The following TYW3 variants were observed in gnomAD, a reference collection of about 807,000 sequenced individuals.
The protein encoded by TYW3 is tRNA wybutosine-synthesizing protein 3 homolog.
In TYW3, 26 loss-of-function variants were observed where a neutral mutation model predicts 23.1. The observed-to-expected ratio is 1.13, with a 90% CI of 0.83 to 1.56. TYW3 has a LOEUF of 1.56. Among genes scored for constraint, TYW3 ranks in the 40% most tolerant of loss-of-function variants. The probability of loss-of-function intolerance (pLI) is 0.00; values close to 1 mark genes in which losing one functional copy is unlikely to be tolerated. For missense variants in TYW3, 316 were observed against 311.9 expected, an observed-to-expected ratio of 1.01 and a Z score of -0.10; for synonymous variants, 102 against 105.7, an observed-to-expected ratio of 0.97 and a Z score of 0.21.
intron 5 of TYW3, among the ~76,000 whole-genome samples, chr1:74,752,928 GC>G (rs113365558): frequency 0.39 from 59,703 of 151,940 alleles, 14,352 homozygotes; most frequent in Non-Finnish European, 0.55. Context: ...ATCTAGAATT[GC>G]CATAACTTTC....
chr1:74,736,963 T>C (rs1388595371), intron 2 of TYW3, among the ~76,000 whole-genome samples: 1 of 152,262 alleles, frequency 6.6e-6, no homozygotes, highest in African/African-American at 2.4e-5. Context: ...GGATTAGCAC[T>C]ATCTCTGTGT....
At chr1:74,742,187 T>C (rs1648384534) in intron 3 of TYW3, among the ~76,000 whole-genome samples, 1 of 152,204 alleles carries the variant, frequency 6.6e-6, no homozygotes, top group South Asian at 2.1e-4. Flanking sequence ...AGTGACCTAC[T>C]CTTTGTTCCC....
intron 3 of TYW3, among the ~76,000 whole-genome samples, chr1:74,741,636 G>A (rs28796389): frequency 0.39 from 59,807 of 152,088 alleles, 14,419 homozygotes; most frequent in Non-Finnish European, 0.55. Flanking sequence ...TTAAGGTTTC[G>A]TTGATATTTT....
chr1:74,757,780 A>T (rs964581298), intron 5 of TYW3, among the ~76,000 whole-genome samples: 1 of 152,072 alleles, frequency 6.6e-6, no homozygotes, highest in Non-Finnish European at 1.5e-5. Flanking sequence ...GAGGTAATTG[A>T]ATCCTGGGGA....
chr1:74,739,032 A>G (rs1648259447), intron 3 of TYW3, among the ~76,000 whole-genome samples: 1 of 152,164 alleles, frequency 6.6e-6, no homozygotes, highest in Non-Finnish European at 1.5e-5. Context: ...TTTTATTTAT[A>G]AATTTTACTT....
Position 74,733,284 on chromosome 1 carries a change from T to C in TYW3, c.40T>C (p.Cys14Arg). ...SAEFRKWKAQCLSKADLSRKG... is the reference protein window; with the variant it reads ...SAEFRKWKAQRLSKADLSRKG... The stretch of plus-strand genomic sequence containing the variant: ...GGAGTTCAGGAAATGGAAGGCGCAA[T>C]GTTTGAGCAAAGCGGACCTCAGCCG... The change falls in exon 1 of 6, where the codon TGT becomes CGT. Residue 14 changes from cysteine (C) to arginine (R), a missense_variant. Physicochemically the swap from Cys to Arg is radical, Grantham distance 180 (BLOSUM62 -3). Coordinates refer to ENST00000370867, the MANE Select transcript of TYW3 (RefSeq NM_138467.3). 2 of 1,614,112 alleles carry C rather than the reference T, an allele frequency of 1.2e-6. No homozygotes were observed. Among genetic ancestry groups the C allele is most frequent in the South Asian group, 1.1e-5 (1 of 91,064 alleles).
intron 5 of TYW3, among the ~76,000 whole-genome samples, chr1:74,757,875 C>T (rs955665006): frequency 6.6e-6 from 1 of 152,152 alleles, no homozygotes; most frequent in African/African-American, 2.4e-5. Context: ...TGCACAAGCT[C>T]ACTTTTCTTG....
rs150051245 is a variant in TYW3 at position 74,765,916 on chromosome 1, A to G, written c.*1803A>G. On this transcript the variant is annotated 3_prime_UTR_variant, in exon 6 of 6. Transcript: ENST00000370867. ...TTTATATAAGGTTAGTAGAGAGGAG[A>G]CACCAGGTGCTGGCCATAAACCTAA... The G allele has an allele frequency of 1.3e-5, 2 of 152,264 alleles. No homozygotes were observed. Among genetic ancestry groups the G allele is most frequent in the African/African-American group, 4.8e-5 (2 of 41,566 alleles). 9.4% of individuals were successfully genotyped at this position (152,264 alleles called of 1,614,324 possible).
chr1:74,765,905 G>A lies in TYW3; in HGVS notation c.*1792G>A, dbSNP rs1649292373. On this transcript the variant is annotated 3_prime_UTR_variant, in exon 6 of 6. Transcript: ENST00000370867. The stretch of plus-strand genomic sequence containing the variant: ...AGTATAATCTGTTTATATAAGGTTA[G>A]TAGAGAGGAGACACCAGGTGCTGGC... 1 of 152,136 alleles carries A rather than the reference G, an allele frequency of 6.6e-6. No individual in the cohort carries two copies. The highest frequency in any genetic ancestry group is 2.4e-5 in the African/African-American group (1 of 41,436). 9.4% of individuals were successfully genotyped at this position (152,136 alleles called of 1,614,324 possible).
In TYW3 at chr1:74,765,797, T is replaced by TAAAG. The variant is rs1433006756; in HGVS notation, c.*1686_*1689dup. The TAAAG allele has an allele frequency of 8.5e-5, 13 of 152,164 alleles. No homozygotes were observed. Among genetic ancestry groups the TAAAG allele is most frequent in the African/African-American group, 3.1e-4 (13 of 41,454 alleles). The allele number at this position is 152,164 out of a possible 1,614,324, so 9.4% of individuals were successfully genotyped here. Reference sequence around the variant, plus strand: ...TGATCTCCAAGAAAACTATGTATTTTAAAGATTCCATAAACTGAATATATG... The same window carrying TAAAG: ...TGATCTCCAAGAAAACTATGTATTTTAAAGAAAGATTCCATAAACTGAATATATG... On this transcript the variant is annotated 3_prime_UTR_variant, in exon 6 of 6. Coordinates refer to ENST00000370867, the MANE Select transcript of TYW3 (RefSeq NM_138467.3).
intron 5 of TYW3, among the ~76,000 whole-genome samples, chr1:74,754,645 A>G (rs1338725449): frequency 1.3e-5 from 2 of 152,190 alleles, no homozygotes; most frequent in Non-Finnish European, 2.9e-5. Context: ...AAAATCCTGA[A>G]AAACATTTCA....
chr1:74,740,625 G>C, intron 3 of TYW3, among the ~76,000 whole-genome samples: 1 of 152,184 alleles, frequency 6.6e-6, no homozygotes, highest in East Asian at 1.9e-4. Flanking sequence ...CGTTTTTACA[G>C]AGTGCTGATT....
intron 5 of TYW3, among the ~76,000 whole-genome samples, chr1:74,754,924 G>A (rs1241464913): frequency 6.6e-6 from 1 of 152,072 alleles, no homozygotes; most frequent in African/African-American, 2.4e-5. Flanking sequence ...AGAGAAATTT[G>A]GATAGCTATT....
intron 4 of TYW3, among the ~76,000 whole-genome samples, chr1:74,751,795 A>G (rs1443601110): frequency 1.3e-5 from 2 of 152,112 alleles, no homozygotes; most frequent in African/African-American, 4.8e-5. Context: ...TGACTATTTC[A>G]TCAACAGGGC....
chr1:74,758,024 T>C (rs1649011118), intron 5 of TYW3, among the ~76,000 whole-genome samples: 1 of 152,212 alleles, frequency 6.6e-6, no homozygotes, highest in Non-Finnish European at 1.5e-5. Flanking sequence ...AATGGACTAA[T>C]ACAGATGGCA....
intron 2 of TYW3, among the ~76,000 whole-genome samples, chr1:74,737,727 A>G (rs985765436): frequency 6.6e-6 from 1 of 152,242 alleles, no homozygotes; most frequent in African/African-American, 2.4e-5. Context: ...GGGTGCAGCC[A>G]AGGTTAAAAG....
chr1:74,744,769 G>A (rs1228516152), intron 3 of TYW3, among the ~76,000 whole-genome samples: 4 of 152,122 alleles, frequency 2.6e-5, no homozygotes, highest in Non-Finnish European at 5.9e-5. Flanking sequence ...TGGTGTGTCC[G>A]GAGTTTGTTC....
intron 4 of TYW3, among the ~76,000 whole-genome samples, chr1:74,749,179 G>A (rs1408816402): frequency 6.6e-6 from 1 of 152,156 alleles, no homozygotes; most frequent in Admixed American, 6.5e-5. Context: ...GTGAATTTGG[G>A]CAAGCTCCTC....
intron 3 of TYW3, among the ~76,000 whole-genome samples, chr1:74,741,709 G>A (rs958458920): frequency 3.3e-5 from 5 of 152,194 alleles, no homozygotes; most frequent in African/African-American, 9.6e-5. Context: ...GTTCATTTGT[G>A]AGAAAAGTTC....
Sources: gnomAD v4.1 joint callset for allele counts (sites outside exome capture counted in the v4.1 genomes callset) on GRCh38, gnomAD v4.1.1 for gene constraint, MANE v1.5 for transcripts, NCBI Gene and HGNC (gene_info 2026-07-23, HGNC 2026-07-21) for gene names.